Variants in DIS3L observed in about 807,000 individuals in gnomAD.
The protein encoded by DIS3L is DIS3-like exonuclease 1.
A neutral mutation model predicts 120.3 loss-of-function variants in DIS3L; 100 were observed. That is an observed-to-expected ratio of 0.83 (90% CI 0.71 to 0.98). The LOEUF (loss-of-function observed/expected upper bound fraction) is 0.98, where lower values mean the gene tolerates loss of function less well. Among genes scored for constraint, DIS3L ranks in the 50% least tolerant of loss-of-function variants. DIS3L has a pLI of 0.00. For missense variants in DIS3L, 1,196 were observed against 1,314.2 expected (o/e 0.91, Z 1.39); for synonymous variants, 426 against 470.6 (o/e 0.91, Z 1.23).
At chr15:66,316,871 A>G (rs1449689889) in intron 7 of DIS3L, among the ~76,000 whole-genome samples, 3 of 152,180 alleles carry the variant, frequency 2.0e-5, no homozygotes, top group Admixed American at 6.5e-5. Flanking sequence ...TCTCTGCTCA[A>G]AACTCCTCAA....
chr15:66,308,948 AT>A, intron 4 of DIS3L, 104 bp downstream of exon 4: 1 of 1,371,556 alleles, frequency 7.3e-7, no homozygotes, highest in Non-Finnish European at 9.7e-7. Context: ...AGGAATAGAC[AT>A]TAAGTTCCAT....
intron 2 of DIS3L, among the ~76,000 whole-genome samples, chr15:66,300,829 A>G (rs2092639919): frequency 6.6e-6 from 1 of 152,238 alleles, no homozygotes; most frequent in South Asian, 2.1e-4. Flanking sequence ...ACTGACGCCA[A>G]ATGGCAGTGC....
At chr15:66,317,229 A>G (rs907947630) in intron 7 of DIS3L, among the ~76,000 whole-genome samples, 50 of 151,668 alleles carry the variant, frequency 3.3e-4, no homozygotes, top group Non-Finnish European at 4.7e-4. Context: ...CAGACACCCA[A>G]ACTGATTTTA....
intron 6 of DIS3L, chr15:66,314,832 T>C (rs962503600): frequency 6.3e-6 from 3 of 476,254 alleles, no homozygotes; most frequent in African/African-American, 3.9e-5. Context: ...GTGGCACTTA[T>C]GAAATCTCAA....
In DIS3L at chr15:66,309,081, G is replaced by GAAAA. The variant is rs1555401909; in HGVS notation, c.558+248_558+251dup. On this transcript the variant is annotated intron_variant, in intron 4 of 16. Coordinates refer to ENST00000319212, the MANE Select transcript of DIS3L (RefSeq NM_001143688.3). ...AATCTAGTGAGACCTTGTCTCTACA[G>GAAAA]AAAAAAAAAAAAAATATATATATCT... is the stretch of plus-strand genomic sequence containing the variant. 1.8e-3 allele frequency among the ~76,000 whole-genome samples: 2 copies of GAAAA among 1,132 alleles called. 1 individual carries two copies. The highest frequency in any genetic ancestry group is 3.1e-3 in the African/African-American group (2 of 652). 0.7% of individuals were successfully genotyped at this position (1,132 alleles called of 152,430 possible).
Position 66,293,707 on chromosome 15 carries a change from C to G in DIS3L, c.111C>G (p.Leu37=), listed in dbSNP as rs2092548294. The G allele has an allele frequency of 1.5e-6, 2 of 1,346,526 alleles. No homozygotes were observed. Among genetic ancestry groups the G allele is most frequent in the Non-Finnish European group, 1.9e-6 (2 of 1,043,382 alleles). The allele number at this position is 1,346,526 out of a possible 1,614,324, so 83.4% of individuals were successfully genotyped here. ...CCTGCGTGCCCTGCCACAGCCCGCT[C>G]TGCCCGCAGCCCGCCGCCTGCAGCC... is the stretch of plus-strand genomic sequence containing the variant. ...LRPCVPCHSP[L]CPQPAACSHD... is the part of the protein sequence containing the mutation. The change falls in exon 1 of 17, where the codon CTC becomes CTG. Residue 37 remains leucine (L), a synonymous_variant. Coordinates refer to ENST00000319212, the MANE Select transcript of DIS3L (RefSeq NM_001143688.3).
chr15:66,322,204 A>G (rs889664508), intron 9 of DIS3L, among the ~76,000 whole-genome samples: 1 of 152,228 alleles, frequency 6.6e-6, no homozygotes, highest in Admixed American at 6.5e-5. Context: ...GATGGCTTAA[A>G]CAGATAATAA....
intron 3 of DIS3L, 58 bp downstream of exon 3, chr15:66,307,010 T>C: frequency 6.2e-7 from 1 of 1,601,240 alleles, no homozygotes; most frequent in South Asian, 1.1e-5. Context: ...TTCCTCATCA[T>C]TGGCTGTTTG....
rs115056037 is a variant in DIS3L at position 66,319,398 on chromosome 15, A to G, written c.1164+780A>G. On this transcript the variant is annotated intron_variant, in intron 8 of 16. Coordinates refer to ENST00000319212, the MANE Select transcript of DIS3L (RefSeq NM_001143688.3). Reference sequence around the variant, plus strand: ...CAGCTGTCCAACATAGAAACTTTCTATAGATACACTTTGCCAACACTAACA... The same window carrying G: ...CAGCTGTCCAACATAGAAACTTTCTGTAGATACACTTTGCCAACACTAACA... Among the ~76,000 whole-genome samples, 1,327 of 152,348 alleles carry G rather than the reference A, an allele frequency of 8.7e-3. 17 individuals are homozygous for G. Among genetic ancestry groups the G allele is most frequent in the African/African-American group, 0.03 (1,249 of 41,582 alleles).
intron 16 of DIS3L, 46 bp downstream of exon 16, chr15:66,332,956 G>A (rs748275601): frequency 6.3e-7 from 1 of 1,580,800 alleles, no homozygotes; most frequent in Admixed American, 1.8e-5. Context: ...TTAAATGTAA[G>A]GAATAAATAA....
In DIS3L at chr15:66,329,010, G is replaced by A. The variant is rs149267604; in HGVS notation, c.2242G>A (p.Asp748Asn). ...TLADSLDNAN[D>N]PHDPIVNRLL... The stretch of plus-strand genomic sequence containing the variant: ...GGCTGATTCTCTGGATAATGCGAAC[G>A]ACCCCCACGATCCCATTGTGAACAG... Residue 748 changes from aspartate to asparagine, a missense_variant, in exon 13 of 17, where the codon GAC becomes AAC. Coordinates refer to ENST00000319212, the MANE Select transcript of DIS3L (RefSeq NM_001143688.3). 28 of 1,613,818 alleles carry A rather than the reference G, an allele frequency of 1.7e-5. No individual in the cohort carries two copies. Among genetic ancestry groups the A allele is most frequent in the Non-Finnish European group, 2.3e-5 (27 of 1,180,006 alleles).
Position 66,293,651 on chromosome 15 carries a change from C to G in DIS3L, c.55C>G (p.Leu19Val). ...GCTGAGGACCTTCCAGGGCCGCACG[C>G]TGCGGATCGTGCGCGAGCACTACCT... ...LLLRTFQGRT[L>V]RIVREHYLRP... Residue 19 changes from leucine to valine, a missense_variant, in exon 1 of 17, where the codon CTG becomes GTG. Leu to Val is a conservative substitution (Grantham distance 32, BLOSUM62 1). Coordinates refer to ENST00000319212, the MANE Select transcript of DIS3L (RefSeq NM_001143688.3). 1 of 1,438,062 alleles carries G rather than the reference C, an allele frequency of 7.0e-7. No homozygotes were observed. Among genetic ancestry groups the G allele is most frequent in the South Asian group, 1.3e-5 (1 of 75,706 alleles). 89.1% of individuals were successfully genotyped at this position (1,438,062 alleles called of 1,614,324 possible). A position where few individuals can be genotyped will look rare whatever the true frequency, so the allele number is the denominator to read the frequency against.
At position 66,326,351 on chromosome 15, in the gene DIS3L, T is replaced by C. The variant is rs1160843133; in HGVS notation, c.2188T>C (p.Phe730Leu). Residue 730 changes from phenylalanine to leucine, a missense_variant, in exon 12 of 17, where the codon TTC becomes CTC. By Grantham distance (22) the Phe-to-Leu change is conservative. Coordinates refer to ENST00000319212, the MANE Select transcript of DIS3L (RefSeq NM_001143688.3). ...LRECAKAKGF[F>L]IDTRSNKTLA... ...GGAATGTGCTAAAGCCAAAGGCTTCTTCATAGATACACGGTATTCCTCTTT... is the reference window on the plus strand; with the variant it reads ...GGAATGTGCTAAAGCCAAAGGCTTCCTCATAGATACACGGTATTCCTCTTT... The C allele has an allele frequency of 1.2e-6, 2 of 1,613,916 alleles. No individual in the cohort carries two copies. The highest frequency in any genetic ancestry group is 1.7e-6 in the Non-Finnish European group (2 of 1,180,002).
At chr15:66,328,900 G>A in intron 12 of DIS3L, 70 bp from the exon 13 acceptor site, 1 of 1,532,298 alleles carries the variant, frequency 6.5e-7, no homozygotes. Flanking sequence ...TGAGTGAAGG[G>A]TTCCCCTCAA....
chr15:66,301,630 C>T (rs559357008), intron 2 of DIS3L, among the ~76,000 whole-genome samples: 101 of 152,300 alleles, frequency 6.6e-4, no homozygotes, highest in African/African-American at 2.3e-3. Flanking sequence ...TGGTCGAATT[C>T]GCTTAAGGCA....
intron 11 of DIS3L, among the ~76,000 whole-genome samples, chr15:66,324,806 C>T (rs1684802742): frequency 6.6e-6 from 1 of 152,132 alleles, no homozygotes. Flanking sequence ...TAACTATATT[C>T]TTCGCCCATT....
chr15:66,293,956 C>T, intron 1 of DIS3L: 1 of 994,714 alleles, frequency 1.0e-6, no homozygotes, highest in Non-Finnish European at 1.2e-6. Flanking sequence ...CCTTACTGCT[C>T]CGCCCTGTCC....
At chr15:66,317,791 T>G (rs181127854) in intron 7 of DIS3L, among the ~76,000 whole-genome samples, 75 of 150,952 alleles carry the variant, frequency 5.0e-4, no homozygotes, top group Middle Eastern at 3.4e-3. Context: ...ATAGTATCTG[T>G]GAATAGCCAG....
In DIS3L at chr15:66,294,975, A is replaced by G. The variant is rs1429577273; in HGVS notation, c.140-13A>G. 1.3e-6 allele frequency: 2 copies of G among 1,597,686 alleles called. No homozygotes were observed. Among genetic ancestry groups the G allele is most frequent in the South Asian group, 2.2e-5 (2 of 89,400 alleles). On this transcript the variant is annotated splice_polypyrimidine_tract_variant and intron_variant, in intron 1 of 16. Coordinates refer to ENST00000319212, the MANE Select transcript of DIS3L (RefSeq NM_001143688.3). ...ACATTGTCTAATCTCTTACATTTTG[A>G]ATTATGTTTCAGATGGGAAACTCTT...
Sources: allele counts gnomAD v4.1 joint callset (sites outside exome capture counted in the v4.1 genomes callset), GRCh38; gene constraint gnomAD v4.1.1; transcripts MANE v1.5; gene names NCBI Gene and HGNC (gene_info 2026-07-23, HGNC 2026-07-21).